The following ADARB2 variants were observed in gnomAD, a reference collection of about 807,000 sequenced individuals.
ADARB2 encodes inactive double-stranded RNA-specific editase B2.
In ADARB2, 25 loss-of-function variants were observed where a neutral mutation model predicts 62.2. The ratio of observed to expected loss-of-function variants is 0.40; its 90% CI spans 0.29 to 0.56. The LOEUF (loss-of-function observed/expected upper bound fraction) is 0.56. ADARB2 is among the 20% of genes least tolerant of loss of function. The probability of loss-of-function intolerance (pLI) is 0.43; values close to 1 mark genes in which losing one functional copy is unlikely to be tolerated. For synonymous variants in ADARB2, 572 were observed against 500.8 expected (o/e 1.14, Z -1.90); for missense variants, 1,071 against 1,077.4 (o/e 0.99, Z 0.08).
Position 1,363,798 on chromosome 10 carries a change from C to A in ADARB2, c.307G>T (p.Glu103Ter). The A allele has an allele frequency of 1.3e-6, 2 of 1,597,494 alleles. No individual in the cohort carries two copies. The highest frequency in any genetic ancestry group is 1.7e-6 in the Non-Finnish European group (2 of 1,178,822). Residue 103 changes from glutamate to a stop codon, truncating the protein, a stop_gained, in exon 3 of 10, where the codon GAG becomes TAG. Coordinates refer to ENST00000381312, the MANE Select transcript of ADARB2 (RefSeq NM_018702.4). LOFTEE classifies it high-confidence loss of function. The part of the protein sequence containing the change: ...APGAKRKRPL[E>*]EGNGGHLCKL... ...CACAAGTGGCCCCCATTCCCCTCCT[C>A]CAGCGGCCGCTTCCTCTTCGCGCCG...
chr10:1,439,152 C>T (rs1374251850), intron 1 of ADARB2, among the ~76,000 whole-genome samples: 8 of 117,734 alleles, frequency 6.8e-5, no homozygotes, highest in Non-Finnish European at 1.1e-4. Flanking sequence ...TGGAGGCAGG[C>T]CCTTCACGAT....
chr10:1,586,984 A>G lies in ADARB2; in HGVS notation c.100+150067T>C, dbSNP rs1252953539. On this transcript the variant is annotated intron_variant, in intron 1 of 9. Coordinates refer to ENST00000381312, the MANE Select transcript of ADARB2 (RefSeq NM_018702.4). ...GGGTATCTCCATTGTGCAAGAATTTATTTCCAAAACTAAAATGAAGTCTAT... is the reference window on the plus strand; with the variant it reads ...GGGTATCTCCATTGTGCAAGAATTTGTTTCCAAAACTAAAATGAAGTCTAT... Among the ~76,000 whole-genome samples, 6 of 152,254 alleles carry G rather than the reference A, an allele frequency of 3.9e-5. No individual in the cohort carries two copies. The East Asian group carries it at 1.2e-3, about 29-fold the overall frequency.
intron 3 of ADARB2, among the ~76,000 whole-genome samples, chr10:1,293,229 G>GGGGA (rs1831491472): frequency 1.7e-5 from 2 of 119,810 alleles, no homozygotes; most frequent in Non-Finnish European, 1.7e-5. Context: ...AGAGGGACGG[G>GGGGA]GAGGGAGAGA....
chr10:1,450,466 G>T (rs1331142862), intron 1 of ADARB2, among the ~76,000 whole-genome samples: 1 of 152,228 alleles, frequency 6.6e-6, no homozygotes, highest in Non-Finnish European at 1.5e-5. Flanking sequence ...GGACTCTGAT[G>T]TCGGATGCCC....
chr10:1,510,112 C>CTTTCTTTCTT (rs1831910077), intron 1 of ADARB2, among the ~76,000 whole-genome samples: 1 of 72,646 alleles, frequency 1.4e-5, no homozygotes, highest in Admixed American at 1.4e-4. Context: ...TTCTTTCTCT[C>CTTTCTTTCTT]TTTCTTTCTT....
intron 3 of ADARB2, among the ~76,000 whole-genome samples, chr10:1,313,882 C>T (rs1486961036): frequency 2.6e-5 from 4 of 152,232 alleles, no homozygotes; most frequent in Non-Finnish European, 5.9e-5. Flanking sequence ...CGTCCTCCTG[C>T]AGCCAGCTGG....
rs528915733 is a variant in ADARB2, at chr10:1,217,063, C to T, written c.1570G>A (p.Glu524Lys). ...KFRGHLRTKI[E>K]SGEGTVPVRG... Reference sequence around the variant, plus strand: ...ACGGGGACCGTCCCTTCCCCGGACTCGATCTTGGTGCGCAGGTGCCCGCGG... The same window carrying T: ...ACGGGGACCGTCCCTTCCCCGGACTTGATCTTGGTGCGCAGGTGCCCGCGG... The change falls in exon 7 of 10, where the codon GAG becomes AAG. Residue 524 changes from glutamate to lysine, a missense_variant. Physicochemically the swap from Glu to Lys is moderately conservative, Grantham distance 56 (BLOSUM62 1). Coordinates refer to ENST00000381312, the MANE Select transcript of ADARB2 (RefSeq NM_018702.4). 36 of 1,609,754 alleles carry T rather than the reference C, an allele frequency of 2.2e-5. No individual in the cohort carries two copies. The Middle Eastern group carries it at 6.6e-4, about 30-fold the overall frequency.
intron 8 of ADARB2, among the ~76,000 whole-genome samples, chr10:1,198,806 CAT>C (rs1836944057): frequency 6.6e-6 from 1 of 152,248 alleles, no homozygotes; most frequent in African/African-American, 2.4e-5. Context: ...CAGATGGACA[CAT>C]GATTGAAAAT....
chr10:1,380,865 T>C (rs1832476677), intron 1 of ADARB2, among the ~76,000 whole-genome samples: 1 of 152,110 alleles, frequency 6.6e-6, no homozygotes, highest in African/African-American at 2.4e-5. Context: ...ACACTAAGAG[T>C]GTGAAGCTCA....
intron 7 of ADARB2, among the ~76,000 whole-genome samples, chr10:1,206,341 CCTT>C (rs748031874): frequency 1.3e-5 from 2 of 152,142 alleles, no homozygotes; most frequent in Non-Finnish European, 2.9e-5. Flanking sequence ...GGCGTCTCCT[CCTT>C]GTGCCTGTGC....
At chr10:1,727,722 T>A (rs1338530202) in intron 1 of ADARB2, among the ~76,000 whole-genome samples, 1 of 152,198 alleles carries the variant, frequency 6.6e-6, no homozygotes, top group Non-Finnish European at 1.5e-5. Flanking sequence ...CACGGAAGGT[T>A]ATTTTTGTTC....
At chr10:1,647,558 T>C (rs1388174836) in intron 1 of ADARB2, among the ~76,000 whole-genome samples, 2 of 152,186 alleles carry the variant, frequency 1.3e-5, no homozygotes, top group Admixed American at 1.3e-4. Context: ...CATGTGTATA[T>C]ATATATCTGC....
intron 1 of ADARB2, among the ~76,000 whole-genome samples, chr10:1,698,953 G>A (rs1273121546): frequency 6.6e-6 from 1 of 152,128 alleles, no homozygotes; most frequent in African/African-American, 2.4e-5. Flanking sequence ...TAGAGATTGG[G>A]TTTCGCCATG....
At position 1,190,751 on chromosome 10, in the gene ADARB2, T is replaced by G. The variant is rs570814116; in HGVS notation, c.1865-5712A>C. The stretch of plus-strand genomic sequence containing the variant: ...TCCCTCTTCTAAGGACAGAGGTGGC[T>G]GCAGGCAGGACCCACTGAGATAATT... On this transcript the variant is annotated intron_variant, in intron 8 of 9. Coordinates refer to ENST00000381312, the MANE Select transcript of ADARB2 (RefSeq NM_018702.4). Among the ~76,000 whole-genome samples the G allele has an allele frequency of 7.2e-5, 11 of 152,346 alleles. No homozygotes were observed. The South Asian group carries it at 8.3e-4, about 11-fold the overall frequency.
Position 1,271,010 on chromosome 10 carries a change from G to T in ADARB2, c.1137C>A (p.Asp379Glu). Reference protein sequence around the residue: ...VTQKFREVTTDLTPMHARHKA... With the variant: ...VTQKFREVTTELTPMHARHKA... ...TATGGCGGGCGTGCATGGGCGTGAG[G>T]TCCGTCGTCACCTCGCGGAACTTCT... Residue 379 changes from aspartate (D) to glutamate (E), a missense_variant, in exon 4 of 10, where the codon GAC (aspartate) becomes GAA (glutamate). Coordinates refer to ENST00000381312, the MANE Select transcript of ADARB2 (RefSeq NM_018702.4). The T allele has an allele frequency of 6.2e-7, 1 of 1,613,790 alleles. No homozygotes were observed. Among genetic ancestry groups the T allele is most frequent in the East Asian group, 2.2e-5 (1 of 44,856 alleles).
At chr10:1,281,808 T>A (rs141949582) in intron 3 of ADARB2, among the ~76,000 whole-genome samples, 2,051 of 152,318 alleles carry the variant, frequency 0.013, 28 homozygotes, top group Non-Finnish European at 0.018. Flanking sequence ...TCCTCTATAA[T>A]CCTTTTTTCT....
intron 1 of ADARB2, among the ~76,000 whole-genome samples, chr10:1,681,663 A>C (rs780796338): frequency 4.6e-5 from 7 of 152,138 alleles, no homozygotes; most frequent in Non-Finnish European, 1.0e-4. Flanking sequence ...ACTATTCTGC[A>C]ATCCTCCAGT....
chr10:1,318,291 A>G (rs1453813341), intron 3 of ADARB2, among the ~76,000 whole-genome samples: 2 of 152,136 alleles, frequency 1.3e-5, no homozygotes, highest in African/African-American at 4.8e-5. Context: ...ATGATTTGGT[A>G]CCATTTGTTT....
chr10:1,580,701 T>C (rs933673924), intron 1 of ADARB2, among the ~76,000 whole-genome samples: 2 of 152,050 alleles, frequency 1.3e-5, no homozygotes, highest in African/African-American at 4.8e-5. Context: ...TGGATCCACA[T>C]TGGAACATCA....
Sources: gnomAD v4.1 joint callset for allele counts (sites outside exome capture counted in the v4.1 genomes callset) on GRCh38, gnomAD v4.1.1 for gene constraint, MANE v1.5 for transcripts, NCBI Gene and HGNC (gene_info 2026-07-23, HGNC 2026-07-21) for gene names.